Variants in ABCA8 observed in about 807,000 individuals in gnomAD.
ABCA8 encodes ATP binding cassette subfamily A member 8, also known as ABC-type organic anion transporter ABCA8.
In ABCA8, 177 loss-of-function variants were observed where a neutral mutation model predicts 192.3. The observed-to-expected ratio is 0.92, with a 90% confidence interval of 0.81 to 1.04. ABCA8 has a LOEUF of 1.04. Ranked by LOEUF, ABCA8 falls within the 50% of genes least tolerant of loss-of-function variation. The pLI is 0.00. For missense variants in ABCA8, 1,915 were observed against 1,904.8 expected, an observed-to-expected ratio of 1.01 and a Z score of -0.10; for synonymous variants, 642 against 690.2, an observed-to-expected ratio of 0.93 and a Z score of 1.09.
intron 19 of ABCA8, among the ~76,000 whole-genome samples, chr17:68,903,926 A>C (rs2143495640): frequency 6.6e-6 from 1 of 152,282 alleles, no homozygotes; most frequent in Admixed American, 6.5e-5. Context: ...AGTTTTGAAT[A>C]GTTTCTGAGA....
At chr17:68,930,990 G>T (rs2067854894) in intron 7 of ABCA8, among the ~76,000 whole-genome samples, 1 of 152,082 alleles carries the variant, frequency 6.6e-6, no homozygotes, top group African/African-American at 2.4e-5. Flanking sequence ...CCCAACCTCT[G>T]ACATTTTAAA....
chr17:68,904,288 AAGAAATAAT>A (rs1291813258), intron 19 of ABCA8, among the ~76,000 whole-genome samples: 1 of 117,852 alleles, frequency 8.5e-6, no homozygotes, highest in African/African-American at 3.5e-5. Context: ...TCTCAAAAAA[AAGAAATAAT>A]AATAATAATA....
intron 26 of ABCA8, among the ~76,000 whole-genome samples, chr17:68,886,137 T>C (rs924382280): frequency 1.3e-5 from 2 of 152,190 alleles, no homozygotes; most frequent in African/African-American, 4.8e-5. Flanking sequence ...TAAAAGTTGT[T>C]GTACTTCTAA....
chr17:68,913,660 T>A (rs936307067), intron 17 of ABCA8, among the ~76,000 whole-genome samples: 20 of 152,070 alleles, frequency 1.3e-4, no homozygotes, highest in African/African-American at 4.6e-4. Context: ...CCTAGACACG[T>A]ACAATCTACC....
chr17:68,884,294 A>T, intron 28 of ABCA8, 37 bp downstream of exon 28: 1 of 1,511,650 alleles, frequency 6.6e-7, no homozygotes, highest in East Asian at 2.4e-5. Context: ...TAAATTTAGT[A>T]AAAAGTGATA....
intron 1 of ABCA8, among the ~76,000 whole-genome samples, chr17:68,954,589 T>G (rs2068662827): frequency 6.6e-6 from 1 of 152,206 alleles, no homozygotes; most frequent in African/African-American, 2.4e-5. Flanking sequence ...TATAGGAGTA[T>G]GAAAATTCTT....
Position 68,882,756 on chromosome 17 carries a change from C to T in ABCA8, c.3708-37G>A, listed in dbSNP as rs200695819. ...ACCATCCATTAATATTGATTTCTGG[C>T]TTTCATCTTTGTATCAAAAGTTGCA... is the stretch of plus-strand genomic sequence containing the variant. On this transcript the variant is annotated intron_variant, in intron 29 of 39. Transcript: ENST00000586539. The T allele has an allele frequency of 6.3e-6, 10 of 1,589,172 alleles. No homozygotes were observed. The East Asian group carries it at 2.2e-4, about 36-fold the overall frequency.
intron 17 of ABCA8, among the ~76,000 whole-genome samples, chr17:68,913,784 A>T (rs531279189): frequency 6.6e-6 from 1 of 152,202 alleles, no homozygotes; most frequent in Admixed American, 6.5e-5. Context: ...TCTACCAAAT[A>T]CTTAAAGAAT....
intron 18 of ABCA8, among the ~76,000 whole-genome samples, 194 bp downstream of exon 18, chr17:68,907,546 C>A (rs2067103605): frequency 6.6e-6 from 1 of 152,100 alleles, no homozygotes; most frequent in South Asian, 2.1e-4. Context: ...CCAGGCATTA[C>A]AATACAACTA....
Position 68,907,885 on chromosome 17 carries a change from AT to A in ABCA8, c.2139-7del. The A allele has an allele frequency of 6.5e-7, 1 of 1,542,308 alleles. No homozygotes were observed. The highest frequency in any genetic ancestry group is 2.3e-5 in the East Asian group (1 of 43,632). On this transcript the variant is annotated splice_region_variant and splice_polypyrimidine_tract_variant and intron_variant, in intron 17 of 39. Transcript: ENST00000586539. ...ATATTTCATTTAACTGCAAGCTGGCATTCAGAAAAAAAAAAAAAGACATATG... is the reference window on the plus strand; with the variant it reads ...ATATTTCATTTAACTGCAAGCTGGCATCAGAAAAAAAAAAAAAGACATATG...
chr17:68,908,335 CCAAA>C (rs2067142301), intron 17 of ABCA8, among the ~76,000 whole-genome samples: 1 of 152,080 alleles, frequency 6.6e-6, no homozygotes, highest in African/African-American at 2.4e-5. Flanking sequence ...AGTATAGATG[CCAAA>C]CAGTTTCAGT....
intron 13 of ABCA8, 200 bp from the exon 14 acceptor site, chr17:68,919,676 G>T (rs936473515): frequency 1.0e-5 from 5 of 490,680 alleles, no homozygotes; most frequent in African/African-American, 9.6e-5. Context: ...CCCTTTGTCT[G>T]CCCCTCACAT....
In ABCA8 at chr17:68,868,331, C is replaced by G; in HGVS notation, c.4737G>C (p.Glu1579Asp). The G allele has an allele frequency of 6.2e-7, 1 of 1,613,714 alleles. No homozygotes were observed. Among genetic ancestry groups the G allele is most frequent in the East Asian group, 2.2e-5 (1 of 44,876 alleles). Residue 1579 changes from glutamate (E) to aspartate (D), a missense_variant, in exon 39 of 40, where the codon GAG becomes GAC. Coordinates refer to ENST00000586539, the MANE Select transcript of ABCA8 (RefSeq NM_001288985.2). Reference sequence around the variant, plus strand: ...CCAGGGTAGACTGTGAGAGGCTGTACTCCTCTAGGTCAAAGCTCTGTTTAA... The same window carrying G: ...CCAGGGTAGACTGTGAGAGGCTGTAGTCCTCTAGGTCAAAGCTCTGTTTAA... The part of the protein sequence containing the change: ...EKVKQSFDLE[E>D]YSLSQSTLEQ...
chr17:68,901,847 G>A (rs2066921905), intron 21 of ABCA8, among the ~76,000 whole-genome samples: 1 of 150,892 alleles, frequency 6.6e-6, no homozygotes, highest in Non-Finnish European at 1.5e-5. Context: ...TTTCTGGTGT[G>A]AATATAAAGT....
chr17:68,882,108 G>A, intron 30 of ABCA8, 128 bp from the exon 31 acceptor site: 1 of 752,412 alleles, frequency 1.3e-6, no homozygotes, highest in Non-Finnish European at 2.2e-6. Context: ...CCTTCTATTT[G>A]GTGACATGCT....
At chr17:68,904,084 A>G (rs1397840047) in intron 19 of ABCA8, among the ~76,000 whole-genome samples, 1 of 152,070 alleles carries the variant, frequency 6.6e-6, no homozygotes, top group Non-Finnish European at 1.5e-5. Flanking sequence ...CACACTGTGA[A>G]TGAAGATATA....
intron 38 of ABCA8, among the ~76,000 whole-genome samples, 177 bp from the exon 39 acceptor site, chr17:68,868,533 G>A (rs2065971965): frequency 6.6e-6 from 1 of 152,134 alleles, no homozygotes; most frequent in Non-Finnish European, 1.5e-5. Context: ...CTTAGGTTTG[G>A]GAGAAAAAGC....
chr17:68,935,540 CTATATATATATA>C (rs6146128), intron 5 of ABCA8, among the ~76,000 whole-genome samples: 14 of 87,290 alleles, frequency 1.6e-4, no homozygotes, highest in Middle Eastern at 7.5e-3. Context: ...AGTAGTATTC[CTATATATATATA>C]TATATATATA....
chr17:68,876,799 C>A (rs536937292), intron 33 of ABCA8, 96 bp from the exon 34 acceptor site: 64 of 1,465,518 alleles, frequency 4.4e-5, no homozygotes, highest in Admixed American at 2.3e-4. Flanking sequence ...CTCAAAAATG[C>A]AGTTCTGGAA....
Sources: allele counts gnomAD v4.1 joint callset (sites outside exome capture counted in the v4.1 genomes callset), GRCh38; gene constraint gnomAD v4.1.1; transcripts MANE v1.5; gene names NCBI Gene and HGNC (gene_info 2026-07-23, HGNC 2026-07-21).